Variants in ASAP1 observed in about 807,000 individuals in gnomAD.
ASAP1 encodes the protein ArfGAP with SH3 domain, ankyrin repeat and PH domain 1, also known as arf-GAP with SH3 domain, ANK repeat and PH domain-containing protein 1.
In ASAP1, 43 loss-of-function variants were observed where a neutral mutation model predicts 145.2. That is an observed-to-expected ratio of 0.30 (90% CI 0.23 to 0.38). The LOEUF (loss-of-function observed/expected upper bound fraction) is 0.38. Among genes scored for constraint, ASAP1 ranks in the 10% least tolerant of loss-of-function variants. The probability of loss-of-function intolerance (pLI) is 1.00; values close to 1 mark genes in which losing one functional copy is unlikely to be tolerated. For synonymous variants in ASAP1, 546 were observed against 515.5 expected, an observed-to-expected ratio of 1.06 and a Z score of -0.80; for missense variants, 1,018 against 1,355.3, an observed-to-expected ratio of 0.75 and a Z score of 3.91.
Position 130,079,791 on chromosome 8 carries a change from G to T in ASAP1, c.2642+111C>A, listed in dbSNP as rs564017425. On this transcript the variant is annotated intron_variant, in intron 26 of 29. Coordinates refer to ENST00000518721, the MANE Select transcript of ASAP1 (RefSeq NM_018482.4). Reference sequence around the variant, plus strand: ...TTCTTGTTGTGGCCTGCCCCACTTGGCTGACCACAGCTTTGAGCAGCGCTG... The same window carrying T: ...TTCTTGTTGTGGCCTGCCCCACTTGTCTGACCACAGCTTTGAGCAGCGCTG... 16 of 1,119,266 alleles carry T rather than the reference G, an allele frequency of 1.4e-5. No individual in the cohort carries two copies. The South Asian group carries it at 1.9e-4, about 13-fold the overall frequency. 69.3% of individuals were successfully genotyped at this position (1,119,266 alleles called of 1,614,324 possible). A position where few individuals can be genotyped will look rare whatever the true frequency, so the allele number is the denominator to read the frequency against.
In ASAP1 at chr8:130,401,951, C is replaced by A. The variant is rs868110357; in HGVS notation, c.-8G>T. 6 of 1,612,916 alleles carry A rather than the reference C, an allele frequency of 3.7e-6. No homozygotes were observed. The East Asian group carries it at 1.3e-4, about 36-fold the overall frequency. Reference sequence around the variant, plus strand: ...GGAGGCTGAAGATCTCATGTCTCAGCCGTCACATCAGAAAACGACCTGGAT... The same window carrying A: ...GGAGGCTGAAGATCTCATGTCTCAGACGTCACATCAGAAAACGACCTGGAT... On this transcript the variant is annotated 5_prime_UTR_variant, in exon 2 of 30. Coordinates refer to ENST00000518721, the MANE Select transcript of ASAP1 (RefSeq NM_018482.4).
chr8:130,288,286 T>C (rs752610486), intron 3 of ASAP1, among the ~76,000 whole-genome samples: 9 of 152,032 alleles, frequency 5.9e-5, no homozygotes, highest in Middle Eastern at 3.2e-3. Flanking sequence ...GAGGGCACCA[T>C]TCCTCAATTT....
intron 2 of ASAP1, among the ~76,000 whole-genome samples, chr8:130,369,428 G>A (rs1353232266): frequency 6.6e-6 from 1 of 152,152 alleles, no homozygotes; most frequent in Non-Finnish European, 1.5e-5. Flanking sequence ...TTTTGGATTT[G>A]GGAGAATTTC....
At chr8:130,277,325 A>G (rs906584047) in intron 3 of ASAP1, among the ~76,000 whole-genome samples, 1 of 152,232 alleles carries the variant, frequency 6.6e-6, no homozygotes, top group Non-Finnish European at 1.5e-5. Context: ...GCTATAGGCA[A>G]CAGGAGAAAA....
chr8:130,194,174 A>C (rs1815326545), intron 5 of ASAP1, among the ~76,000 whole-genome samples: 1 of 152,218 alleles, frequency 6.6e-6, no homozygotes, highest in African/African-American at 2.4e-5. Context: ...TGAAAAGGCT[A>C]CAGGAAAAAT....
At chr8:130,390,946 C>CCA (rs1828255511) in intron 2 of ASAP1, among the ~76,000 whole-genome samples, 1 of 149,456 alleles carries the variant, frequency 6.7e-6, no homozygotes, top group African/African-American at 2.5e-5. Context: ...CCCGCCCCCC[C>CCA]AAAATTGAAA....
chr8:130,409,657 G>A (rs1299733484), intron 1 of ASAP1, among the ~76,000 whole-genome samples: 1 of 152,160 alleles, frequency 6.6e-6, no homozygotes, highest in Non-Finnish European at 1.5e-5. Context: ...TGACAATGCC[G>A]AGGCTGCTGG....
At chr8:130,292,215 AACAT>A (rs1821988635) in intron 3 of ASAP1, among the ~76,000 whole-genome samples, 1 of 152,256 alleles carries the variant, frequency 6.6e-6, no homozygotes, top group Non-Finnish European at 1.5e-5. Flanking sequence ...TCATTCACTT[AACAT>A]GTATGAAGGA....
intron 3 of ASAP1, among the ~76,000 whole-genome samples, chr8:130,260,752 G>A (rs1431260325): frequency 6.6e-6 from 1 of 152,064 alleles, no homozygotes; most frequent in African/African-American, 2.4e-5. Flanking sequence ...TCTATGTGCC[G>A]AACCACTTGC....
chr8:130,130,605 T>G (rs377084245), intron 15 of ASAP1, among the ~76,000 whole-genome samples: 1 of 152,228 alleles, frequency 6.6e-6, no homozygotes, highest in East Asian at 1.9e-4. Context: ...TTTAATACTT[T>G]AAACGTCGCT....
chr8:130,151,596 T>C (rs951630858), intron 13 of ASAP1, among the ~76,000 whole-genome samples: 1 of 152,082 alleles, frequency 6.6e-6, no homozygotes, highest in Non-Finnish European at 1.5e-5. Context: ...GAAGAATCAC[T>C]GAAAAGTGTG....
At chr8:130,349,059 C>A (rs1825851681) in intron 3 of ASAP1, among the ~76,000 whole-genome samples, 1 of 152,218 alleles carries the variant, frequency 6.6e-6, no homozygotes, top group Non-Finnish European at 1.5e-5. Context: ...ACTGGTAGAG[C>A]CCATCAGGCT....
chr8:130,146,878 A>T (rs1334220986), intron 13 of ASAP1, among the ~76,000 whole-genome samples: 1 of 152,188 alleles, frequency 6.6e-6, no homozygotes, highest in Admixed American at 6.5e-5. Flanking sequence ...AAGAAGAGGT[A>T]CCCCAAATGG....
intron 3 of ASAP1, among the ~76,000 whole-genome samples, chr8:130,353,315 C>T (rs1288911864): frequency 6.6e-6 from 1 of 152,114 alleles, no homozygotes; most frequent in African/African-American, 2.4e-5. Context: ...AAATGAGTTC[C>T]CACATTTAAA....
At chr8:130,093,676 A>AAAAAAAAG (rs2097510741) in intron 24 of ASAP1, among the ~76,000 whole-genome samples, 1 of 150,174 alleles carries the variant, frequency 6.7e-6, no homozygotes, top group South Asian at 2.1e-4. Context: ...CAAAAAAAAA[A>AAAAAAAAG]AAAAAAAAAA....
chr8:130,057,092 C>T (rs892384673), intron 29 of ASAP1, among the ~76,000 whole-genome samples: 21 of 152,128 alleles, frequency 1.4e-4, no homozygotes, highest in Admixed American at 5.2e-4. Flanking sequence ...CCTAAAATTA[C>T]GTGGAGAAGG....
intron 24 of ASAP1, among the ~76,000 whole-genome samples, chr8:130,101,732 A>ATTTTTTTTT (rs59778799): frequency 0.033 from 2,864 of 86,674 alleles, 282 homozygotes; most frequent in African/African-American, 0.063. Flanking sequence ...CACCTGGTTA[A>ATTTTTTTTT]TTTTTTTTTT....
intron 15 of ASAP1, among the ~76,000 whole-genome samples, chr8:130,133,427 C>T (rs1419396067): frequency 6.6e-5 from 10 of 151,854 alleles, no homozygotes; most frequent in Non-Finnish European, 1.5e-4. Flanking sequence ...GAGGCCGAGG[C>T]GGGTGGATCA....
chr8:130,226,488 T>C lies in ASAP1; in HGVS notation c.259+10434A>G, dbSNP rs1277468108. 1.3e-5 allele frequency among the ~76,000 whole-genome samples: 2 copies of C among 152,220 alleles called. 1 individual carries two copies. The highest frequency in any genetic ancestry group is 2.9e-5 in the Non-Finnish European group (2 of 68,036). On this transcript the variant is annotated intron_variant, in intron 4 of 29. Coordinates refer to ENST00000518721, the MANE Select transcript of ASAP1 (RefSeq NM_018482.4). The stretch of plus-strand genomic sequence containing the variant: ...AAATCCTTGGAGGCAGAAAGCCCTG[T>C]GGACATTTTTTAAAACTGCTTTCCT...
Sources: allele counts gnomAD v4.1 joint callset (sites outside exome capture counted in the v4.1 genomes callset), GRCh38; gene constraint gnomAD v4.1.1; transcripts MANE v1.5; gene names NCBI Gene and HGNC (gene_info 2026-07-23, HGNC 2026-07-21).